Variants in AGMO observed in about 807,000 individuals in gnomAD.
AGMO encodes glyceryl-ether monooxygenase.
A neutral mutation model predicts 60.2 loss-of-function variants in AGMO; 75 were observed. The observed-to-expected ratio is 1.25, with a 90% CI of 1.03 to 1.51. The LOEUF (loss-of-function observed/expected upper bound fraction) is 1.51, where lower values mean the gene tolerates loss of function less well. Among genes scored for constraint, AGMO ranks in the 40% most tolerant of loss-of-function variants. AGMO has a pLI of 0.00. For missense variants in AGMO, 763 were observed against 525.5 expected, an observed-to-expected ratio of 1.45 and a Z score of -4.42; for synonymous variants, 261 against 177.1, an observed-to-expected ratio of 1.47 and a Z score of -3.76.
chr7:15,161,446 A>T, the AGMO span, among the ~76,000 whole-genome samples: 3 of 151,488 alleles, frequency 2.0e-5, no homozygotes, highest in Non-Finnish European at 4.4e-5. Flanking sequence ...ATATACACAG[A>T]CACACACACA....
intron 12 of AGMO, among the ~76,000 whole-genome samples, chr7:15,364,056 T>C (rs1782867138): frequency 6.6e-6 from 1 of 152,030 alleles, no homozygotes; most frequent in African/African-American, 2.4e-5. Flanking sequence ...TAATGCAGAA[T>C]ATATTAAATT....
intron 9 of AGMO, among the ~76,000 whole-genome samples, chr7:15,387,092 AG>A (rs2128483711): frequency 6.6e-6 from 1 of 152,264 alleles, no homozygotes; most frequent in African/African-American, 2.4e-5. Flanking sequence ...TCTGTGTCTG[AG>A]CTGCATGTAT....
intron 5 of AGMO, among the ~76,000 whole-genome samples, chr7:15,412,684 T>TAAAAAAA (rs765917941): frequency 2.8e-4 from 31 of 111,312 alleles, no homozygotes; most frequent in African/African-American, 6.0e-4. Flanking sequence ...TTTCATTATT[T>TAAAAAAA]AAAAAAAAAA....
At chr7:15,496,506 T>A (rs780813040) in intron 3 of AGMO, among the ~76,000 whole-genome samples, 4 of 151,696 alleles carry the variant, frequency 2.6e-5, no homozygotes. Context: ...TAGTGTCACC[T>A]GGCATTTTTT....
At chr7:15,337,540 A>C (rs919883948) in intron 12 of AGMO, among the ~76,000 whole-genome samples, 5 of 152,142 alleles carry the variant, frequency 3.3e-5, no homozygotes, top group African/African-American at 1.2e-4. Flanking sequence ...TTTGGAGAAA[A>C]GGGCAGGTGG....
intron 5 of AGMO, among the ~76,000 whole-genome samples, chr7:15,418,335 T>C (rs1271494448): frequency 6.6e-6 from 1 of 152,022 alleles, no homozygotes; most frequent in African/African-American, 2.4e-5. Context: ...CACTTAATAG[T>C]TCAAAAAATT....
intron 12 of AGMO, among the ~76,000 whole-genome samples, chr7:15,323,432 ATAAAGTG>A (rs1437879978): frequency 2.0e-5 from 3 of 152,170 alleles, no homozygotes; most frequent in Non-Finnish European, 4.4e-5. Context: ...GGGATAAAAG[ATAAAGTG>A]TGAGGAGAAA....
intron 12 of AGMO, among the ~76,000 whole-genome samples, chr7:15,300,336 T>C (rs946265947): frequency 3.3e-5 from 5 of 152,182 alleles, no homozygotes; most frequent in Admixed American, 1.3e-4. Flanking sequence ...AGAGTCCAGA[T>C]TGATGGTTTG....
At chr7:15,543,388 G>C (rs1010474660) in intron 3 of AGMO, among the ~76,000 whole-genome samples, 2 of 152,088 alleles carry the variant, frequency 1.3e-5, no homozygotes, top group Non-Finnish European at 2.9e-5. Context: ...TTCTTGGGAA[G>C]TGCAGCCAAG....
chr7:15,462,265 T>C (rs1562519663), intron 3 of AGMO, among the ~76,000 whole-genome samples: 1 of 152,162 alleles, frequency 6.6e-6, no homozygotes, highest in South Asian at 2.1e-4. Flanking sequence ...TTGAGAGTGA[T>C]ATAAAATTTT....
the AGMO span, among the ~76,000 whole-genome samples, chr7:15,137,053 G>A: frequency 4.9e-4 from 75 of 152,264 alleles, no homozygotes; most frequent in African/African-American, 1.8e-3. Flanking sequence ...GCATGTCTGA[G>A]AATGATTTAT....
chr7:15,508,216 G>A lies in AGMO; in HGVS notation c.409+36556C>T, dbSNP rs192469435. Among the ~76,000 whole-genome samples, 13 of 152,070 alleles carry A rather than the reference G, an allele frequency of 8.5e-5. No individual in the cohort carries two copies. The East Asian group carries it at 2.5e-3, about 29-fold the overall frequency. On this transcript the variant is annotated intron_variant, in intron 3 of 12. Transcript: ENST00000342526. ...TTGTTTAAAATAATAATACTTGTGA[G>A]GTTGAAATATACATAAAATTAAAAT...
chr7:15,298,448 G>A (rs1041057334), intron 12 of AGMO, among the ~76,000 whole-genome samples: 2 of 152,132 alleles, frequency 1.3e-5, no homozygotes, highest in East Asian at 1.9e-4. Context: ...AGGTTGAAGT[G>A]CAGTGGCACA....
chr7:15,300,233 T>C (rs1168198304), intron 12 of AGMO, among the ~76,000 whole-genome samples: 1 of 151,802 alleles, frequency 6.6e-6, no homozygotes, highest in South Asian at 2.1e-4. Context: ...TAAAGCACAG[T>C]GAGGGAAGTG....
intron 2 of AGMO, 109 bp downstream of exon 2, chr7:15,560,032 G>C (rs1020395725): frequency 1.8e-6 from 2 of 1,110,688 alleles, no homozygotes; most frequent in African/African-American, 1.6e-5. Context: ...TGAATTTTTT[G>C]GGAAAATTTG....
the AGMO span, among the ~76,000 whole-genome samples, chr7:15,155,889 AC>A: frequency 3.3e-5 from 5 of 152,262 alleles, no homozygotes; most frequent in Admixed American, 2.6e-4. Flanking sequence ...GTTTCTGGAT[AC>A]TTTCAGGCAG....
the AGMO span, among the ~76,000 whole-genome samples, chr7:15,190,986 A>G: frequency 1.5e-4 from 23 of 152,228 alleles, no homozygotes; most frequent in African/African-American, 5.3e-4. Flanking sequence ...TCTAAACACA[A>G]TTCTTACCTT....
the AGMO span, among the ~76,000 whole-genome samples, chr7:15,130,344 T>C: frequency 6.6e-6 from 1 of 152,092 alleles, no homozygotes; most frequent in African/African-American, 2.4e-5. Context: ...TTTTTATTAT[T>C]TTTGTTATTG....
intron 3 of AGMO, among the ~76,000 whole-genome samples, chr7:15,479,067 C>A (rs1782677073): frequency 6.6e-6 from 1 of 152,070 alleles, no homozygotes; most frequent in Admixed American, 6.6e-5. Context: ...ATTGTTCATG[C>A]ATAGTTTTCA....
Sources: allele counts gnomAD v4.1 joint callset (sites outside exome capture counted in the v4.1 genomes callset), GRCh38; gene constraint gnomAD v4.1.1; transcripts MANE v1.5; gene names NCBI Gene and HGNC (gene_info 2026-07-23, HGNC 2026-07-21).